The following COLEC11 variants were observed in gnomAD, a reference collection of about 807,000 sequenced individuals.
The protein encoded by COLEC11 is collectin-11.
A neutral mutation model predicts 27.3 loss-of-function variants in COLEC11; 20 were observed. The observed-to-expected ratio is 0.73, with a 90% confidence interval of 0.51 to 1.06. COLEC11 has a LOEUF of 1.06. Among genes scored for constraint, COLEC11 ranks in the 50% least tolerant of loss-of-function variants. The pLI, the probability that COLEC11 is intolerant of heterozygous loss-of-function variation, is 0.00. For missense variants in COLEC11, 310 were observed against 383.0 expected (o/e 0.81, Z 1.59); for synonymous variants, 163 against 154.7 (o/e 1.05, Z -0.40).
intron 2 of COLEC11, 79 bp from the exon 3 acceptor site, chr2:3,613,232 A>G: frequency 4.7e-6 from 7 of 1,474,124 alleles, no homozygotes; most frequent in Non-Finnish European, 6.5e-6. Flanking sequence ...AACGCTTCTA[A>G]CTGTTCTTCC....
chr2:3,627,479 CGAT>C (rs1031899302), intron 3 of COLEC11, among the ~76,000 whole-genome samples: 4 of 148,878 alleles, frequency 2.7e-5, no homozygotes, highest in South Asian at 2.2e-4. Context: ...ATGGAGGGCA[CGAT>C]GAGCACGACG....
At chr2:3,611,201 A>C (rs1373784237) in intron 2 of COLEC11, among the ~76,000 whole-genome samples, 1 of 19,264 alleles carries the variant, frequency 5.2e-5, no homozygotes, top group Non-Finnish European at 1.8e-4. Flanking sequence ...ACTTCAAAAC[A>C]AACAAACAAA....
At chr2:3,625,877 C>T in intron 3 of COLEC11, 3 of 767,286 alleles carry the variant, frequency 3.9e-6, no homozygotes, top group East Asian at 5.1e-5. Flanking sequence ...AAGAGATCCG[C>T]CTACCTTGGC....
chr2:3,612,174 A>G (rs1027720662), intron 2 of COLEC11, among the ~76,000 whole-genome samples: 2 of 152,074 alleles, frequency 1.3e-5, no homozygotes, highest in Non-Finnish European at 2.9e-5. Context: ...ATATCAGCGC[A>G]CACACGCGCA....
chr2:3,617,908 CATT>C (rs1367379232), intron 3 of COLEC11, among the ~76,000 whole-genome samples: 1 of 152,162 alleles, frequency 6.6e-6, no homozygotes, highest in Non-Finnish European at 1.5e-5. Flanking sequence ...GGTAATGTCT[CATT>C]GTGGCTTTAG....
intron 3 of COLEC11, among the ~76,000 whole-genome samples, chr2:3,621,038 C>CT (rs1664149314): frequency 6.6e-6 from 1 of 152,144 alleles, no homozygotes; most frequent in South Asian, 2.1e-4. Context: ...CTGTTAGCTC[C>CT]ATTCGGTCTA....
chr2:3,624,329 A>C (rs60995645), intron 3 of COLEC11, among the ~76,000 whole-genome samples: 8,670 of 152,208 alleles, frequency 0.057, 382 homozygotes, highest in African/African-American at 0.13. Context: ...GGGATGGTTC[A>C]CAGGAAAGGC....
chr2:3,640,197 A>G, intron 4 of COLEC11, 81 bp from the exon 5 acceptor site: 1 of 879,628 alleles, frequency 1.1e-6, no homozygotes, highest in Non-Finnish European at 1.9e-6. Flanking sequence ...GAGACAAATC[A>G]CATTTTCAGT....
At chr2:3,624,278 TG>T (rs1664374858) in intron 3 of COLEC11, among the ~76,000 whole-genome samples, 1 of 152,166 alleles carries the variant, frequency 6.6e-6, no homozygotes, top group South Asian at 2.1e-4. Context: ...GGCAGAGTGT[TG>T]GGTGAAGCAT....
At chr2:3,601,730 C>T (rs150931181) in intron 1 of COLEC11, among the ~76,000 whole-genome samples, 1,883 of 152,282 alleles carry the variant, frequency 0.012, 35 homozygotes, top group Admixed American at 0.042. Context: ...CTCTCCCACG[C>T]GCGTGCCCAA....
chr2:3,618,921 G>A (rs1558502172), intron 3 of COLEC11, among the ~76,000 whole-genome samples: 1 of 152,090 alleles, frequency 6.6e-6, no homozygotes, highest in Non-Finnish European at 1.5e-5. Flanking sequence ...ATTCTGTTTG[G>A]TGCTACAGTC....
At chr2:3,641,193 GA>G (rs1200102123) in intron 5 of COLEC11, 2 of 1,298,328 alleles carry the variant, frequency 1.5e-6, no homozygotes, top group African/African-American at 3.0e-5. Context: ...ATACCAGGGA[GA>G]AAAGAGAGGG....
At chr2:3,614,607 T>TA (rs1025635331) in intron 3 of COLEC11, among the ~76,000 whole-genome samples, 3 of 152,144 alleles carry the variant, frequency 2.0e-5, no homozygotes, top group African/African-American at 7.2e-5. Flanking sequence ...AGTAAAGCTT[T>TA]AAAAAATCTT....
At position 3,600,720 on chromosome 2, in the gene COLEC11, CTG is replaced by C. The variant is rs149437299; in HGVS notation, c.-26-3590_-26-3589del. ...AGGCAGGTGCACTCACCAGTGTCTG[CTG>C]TGTGGTTAGACCTCGTCATTGTGTA... On this transcript the variant is annotated intron_variant, in intron 1 of 6. Transcript: ENST00000349077. 5.8e-4 allele frequency among the ~76,000 whole-genome samples: 89 copies of C among 152,322 alleles called. No homozygotes were observed. In the East Asian group the frequency reaches 0.011, roughly 18 times the overall value.
chr2:3,619,751 A>G (rs1664049601), intron 3 of COLEC11, among the ~76,000 whole-genome samples: 2 of 152,122 alleles, frequency 1.3e-5, no homozygotes, highest in South Asian at 4.2e-4. Flanking sequence ...TCAGCCGCCC[A>G]AGTAGCTGGG....
rs1026269016 is a variant in COLEC11 at position 3,602,720 on chromosome 2, C to G, written c.-26-1595C>G. On this transcript the variant is annotated intron_variant, in intron 1 of 6. Transcript: ENST00000349077. This position sits in a 1 kb window ranked among gnomAD's most constrained non-coding sequence, Gnocchi z 6.2. ...CCCCCAAAGCTGCTGGGCGCCGGCT[C>G]CTGTCTCCTGTCCTCTGTGCCCACC... Among the ~76,000 whole-genome samples the G allele has an allele frequency of 1.3e-5, 2 of 152,238 alleles. No individual in the cohort carries two copies. Among genetic ancestry groups the G allele is most frequent in the African/African-American group, 2.4e-5 (1 of 41,460 alleles).
intron 3 of COLEC11, 33 bp downstream of exon 3, chr2:3,613,415 C>CT (rs1457967949): frequency 6.4e-7 from 1 of 1,562,724 alleles, no homozygotes; most frequent in Non-Finnish European, 8.7e-7. Flanking sequence ...CCTCAGAGCT[C>CT]TGAGGATGGA....
At chr2:3,597,561 A>G (rs1040198422) in intron 1 of COLEC11, among the ~76,000 whole-genome samples, 1 of 152,314 alleles carries the variant, frequency 6.6e-6, no homozygotes, top group Admixed American at 6.5e-5. Flanking sequence ...CACTCCTGGG[A>G]CATCTGCGGA....
At chr2:3,629,230 G>C (rs1664794607) in intron 3 of COLEC11, among the ~76,000 whole-genome samples, 1 of 152,230 alleles carries the variant, frequency 6.6e-6, no homozygotes, top group South Asian at 2.1e-4. Flanking sequence ...GTGGTATGAA[G>C]TAGAGAATGT....
Sources: allele counts gnomAD v4.1 joint callset (sites outside exome capture counted in the v4.1 genomes callset), GRCh38; gene constraint gnomAD v4.1.1; non-coding constraint Gnocchi (gnomAD v3.1); transcripts MANE v1.5; gene names NCBI Gene and HGNC (gene_info 2026-07-23, HGNC 2026-07-21).